The following NALCN variants were observed in gnomAD, a reference collection of about 807,000 sequenced individuals.
NALCN encodes sodium leak channel, non-selective, also known as sodium leak channel NALCN.
In NALCN, 111 loss-of-function variants were observed where a neutral mutation model predicts 225.3. The observed-to-expected ratio is 0.49, with a 90% CI of 0.42 to 0.58. The LOEUF (loss-of-function observed/expected upper bound fraction) is 0.58. Among genes scored for constraint, NALCN ranks in the 20% least tolerant of loss-of-function variants. NALCN has a pLI of 0.00. For synonymous variants in NALCN, 764 were observed against 769.0 expected, an observed-to-expected ratio of 0.99 and a Z score of 0.11; for missense variants, 1,378 against 2,202.4, an observed-to-expected ratio of 0.63 and a Z score of 7.49.
At chr13:101,315,957 A>T (rs1278016835) in intron 7 of NALCN, among the ~76,000 whole-genome samples, 1 of 152,094 alleles carries the variant, frequency 6.6e-6, no homozygotes, top group African/African-American at 2.4e-5. Flanking sequence ...TGAAATGACC[A>T]GTGATGGGAC....
At chr13:101,160,017 C>T (rs541657542) in intron 15 of NALCN, among the ~76,000 whole-genome samples, 7 of 152,068 alleles carry the variant, frequency 4.6e-5, no homozygotes, top group Admixed American at 1.3e-4. Context: ...TGCAGCGGTG[C>T]GATCTCGGCT....
intron 6 of NALCN, among the ~76,000 whole-genome samples, chr13:101,366,332 T>C (rs2046376236): frequency 6.6e-6 from 1 of 152,180 alleles, no homozygotes; most frequent in African/African-American, 2.4e-5. Context: ...AAACTGTATA[T>C]ATTGTGTTGC....
At chr13:101,383,714 T>G (rs1275152932) in intron 3 of NALCN, among the ~76,000 whole-genome samples, 1 of 152,226 alleles carries the variant, frequency 6.6e-6, no homozygotes, top group East Asian at 1.9e-4. Context: ...TAAAAAGAAA[T>G]TATTCCTTTC....
chr13:101,266,111 A>G (rs547747514), intron 10 of NALCN, among the ~76,000 whole-genome samples: 1 of 152,298 alleles, frequency 6.6e-6, no homozygotes, highest in South Asian at 2.1e-4. Flanking sequence ...TGACATCTAC[A>G]TCTTTTGGCT....
chr13:101,236,473 T>C (rs1017234633), intron 12 of NALCN, among the ~76,000 whole-genome samples: 10 of 152,136 alleles, frequency 6.6e-5, no homozygotes, highest in African/African-American at 2.4e-4. Flanking sequence ...CGTATGTTTA[T>C]TGCGGCACTC....
At chr13:101,090,128 ATG>A (rs2034151083) in intron 28 of NALCN, among the ~76,000 whole-genome samples, 162 bp from the exon 29 acceptor site, 1 of 152,120 alleles carries the variant, frequency 6.6e-6, no homozygotes, top group African/African-American at 2.4e-5. Context: ...ACACATACAT[ATG>A]TGTGTATATG....
intron 14 of NALCN, among the ~76,000 whole-genome samples, chr13:101,182,003 G>A (rs539695806): frequency 8.6e-5 from 13 of 151,600 alleles, no homozygotes; most frequent in East Asian, 2.0e-4. Context: ...GCGTGGTGGC[G>A]GGTGCCTGTA....
intron 13 of NALCN, among the ~76,000 whole-genome samples, chr13:101,219,974 C>T (rs558886491): frequency 1.3e-5 from 2 of 152,184 alleles, no homozygotes; most frequent in East Asian, 3.9e-4. Flanking sequence ...GAAGCTCAGA[C>T]AAATTAAGTG....
intron 16 of NALCN, among the ~76,000 whole-genome samples, chr13:101,144,461 C>T (rs918553026): frequency 6.6e-6 from 1 of 152,216 alleles, no homozygotes; most frequent in Non-Finnish European, 1.5e-5. Flanking sequence ...GCAGCTTCTC[C>T]AGTTTCCTGG....
chr13:101,140,576 G>GAAACA (rs945220094), intron 17 of NALCN, among the ~76,000 whole-genome samples: 8 of 152,200 alleles, frequency 5.3e-5, no homozygotes, highest in South Asian at 2.1e-4. Context: ...ATCTGCTTTG[G>GAAACA]AAACAAAACA....
At chr13:101,387,896 T>C (rs1317378970) in intron 3 of NALCN, among the ~76,000 whole-genome samples, 1 of 152,108 alleles carries the variant, frequency 6.6e-6, no homozygotes, top group East Asian at 1.9e-4. Context: ...TAATAAAATA[T>C]AAATTAGGAA....
chr13:101,362,025 T>A (rs951575076), intron 6 of NALCN, among the ~76,000 whole-genome samples: 4 of 151,898 alleles, frequency 2.6e-5, no homozygotes, highest in Non-Finnish European at 5.9e-5. Context: ...ATTATTATCA[T>A]ATGAAAGGCT....
At chr13:101,229,060 C>T (rs930072660) in intron 13 of NALCN, among the ~76,000 whole-genome samples, 5 of 152,132 alleles carry the variant, frequency 3.3e-5, no homozygotes, top group African/African-American at 1.2e-4. Context: ...TATGTTAACT[C>T]TCTTGAACAC....
intron 18 of NALCN, chr13:101,116,534 G>A (rs1313154752): frequency 1.9e-6 from 1 of 516,120 alleles, no homozygotes; most frequent in Non-Finnish European, 3.9e-6. Context: ...TTTCTTCTTT[G>A]TCTCCATGTC....
chr13:101,146,607 A>G (rs1001327085), intron 15 of NALCN, among the ~76,000 whole-genome samples: 8 of 142,226 alleles, frequency 5.6e-5, no homozygotes, highest in Non-Finnish European at 8.1e-5. Context: ...TTAATCTATT[A>G]GATCAGATCA....
At chr13:101,308,658 GA>G (rs1402675172) in intron 7 of NALCN, among the ~76,000 whole-genome samples, 1 of 152,128 alleles carries the variant, frequency 6.6e-6, no homozygotes, top group Non-Finnish European at 1.5e-5. Context: ...CCAGTTCTCA[GA>G]AACGGCTGAT....
In NALCN at chr13:101,089,939, G is replaced by C; in HGVS notation, c.3297C>G (p.Asp1099Glu). 1 of 1,613,964 alleles carries C rather than the reference G, an allele frequency of 6.2e-7. No individual in the cohort carries two copies. The highest frequency in any genetic ancestry group is 2.2e-5 in the East Asian group (1 of 44,878). Residue 1099 changes from aspartate (D) to glutamate (E), a missense_variant, in exon 29 of 44, where the codon GAC becomes GAG. Coordinates refer to ENST00000251127, the MANE Select transcript of NALCN (RefSeq NM_052867.4). The surrounding 1 kb of genome is among the most constrained non-coding windows in gnomAD (Gnocchi z 4.7). ...VWANPRNFNF[D>E]NVGNAMLALF... ...ACGCCAGCATAGCGTTTCCCACATT[G>C]TCGAAATTAAAGTTCCGAGGATTCG...
intron 11 of NALCN, among the ~76,000 whole-genome samples, chr13:101,249,967 A>G (rs2042014182): frequency 6.6e-6 from 1 of 152,140 alleles, no homozygotes; most frequent in African/African-American, 2.4e-5. Flanking sequence ...CAGAAGATAC[A>G]ATTATCTACA....
intron 1 of NALCN, among the ~76,000 whole-genome samples, chr13:101,415,206 C>CATATATATATATAT (rs1278371508): frequency 0.028 from 2,965 of 104,656 alleles, 158 homozygotes; most frequent in African/African-American, 0.038. Flanking sequence ...ACAAATCACA[C>CATATATATATATAT]ACATATATAT....
Sources: allele counts gnomAD v4.1 joint callset (sites outside exome capture counted in the v4.1 genomes callset), GRCh38; gene constraint gnomAD v4.1.1; non-coding constraint Gnocchi (gnomAD v3.1); transcripts MANE v1.5; gene names NCBI Gene and HGNC (gene_info 2026-07-23, HGNC 2026-07-21).